HIVEP2: variants seen among roughly 807,000 people sequenced by gnomAD.
HIVEP2 encodes the protein transcription factor HIVEP2.
In HIVEP2, 14 loss-of-function variants were observed where a neutral mutation model predicts 180.7. The ratio of observed to expected loss-of-function variants is 0.08; its 90% CI spans 0.05 to 0.12. The LOEUF (loss-of-function observed/expected upper bound fraction) is 0.12, where lower values mean the gene tolerates loss of function less well. HIVEP2 is among the 10% of genes least tolerant of loss of function. HIVEP2 has a pLI of 1.00. For synonymous variants in HIVEP2, 1,184 were observed against 1,136.4 expected (o/e 1.04, Z -0.84); for missense variants, 2,579 against 3,008.5 (o/e 0.86, Z 3.34).
intron 1 of HIVEP2, among the ~76,000 whole-genome samples, chr6:142,925,212 A>G (rs887352501): frequency 6.6e-6 from 1 of 152,224 alleles, no homozygotes; most frequent in African/African-American, 2.4e-5. Flanking sequence ...TATTTTTAGA[A>G]AGTAATCTTG....
chr6:142,917,800 G>C (rs1178647596), intron 1 of HIVEP2, among the ~76,000 whole-genome samples: 4 of 151,612 alleles, frequency 2.6e-5, no homozygotes, highest in Non-Finnish European at 4.4e-5. Context: ...TTTTGAGATA[G>C]AGTCTTGCTC....
chr6:142,932,211 T>C (rs955584658), intron 1 of HIVEP2, among the ~76,000 whole-genome samples: 1 of 152,218 alleles, frequency 6.6e-6, no homozygotes, highest in Admixed American at 6.5e-5. Context: ...TATGTTCTAC[T>C]TACATTTATA....
At chr6:142,777,244 G>T (rs986582347) in intron 3 of HIVEP2, among the ~76,000 whole-genome samples, 1 of 152,090 alleles carries the variant, frequency 6.6e-6, no homozygotes, top group African/African-American at 2.4e-5. Context: ...ATAAATTATG[G>T]CTCAATGATA....
intron 1 of HIVEP2, among the ~76,000 whole-genome samples, chr6:142,895,782 G>C (rs531615106): frequency 1.3e-5 from 2 of 152,282 alleles, no homozygotes; most frequent in Non-Finnish European, 2.9e-5. Context: ...AGAGAATAGA[G>C]AGTGGATCAA....
At chr6:142,886,015 T>A (rs1388613523) in intron 1 of HIVEP2, among the ~76,000 whole-genome samples, 1 of 152,210 alleles carries the variant, frequency 6.6e-6, no homozygotes, top group Non-Finnish European at 1.5e-5. Flanking sequence ...TGCATCTATA[T>A]CTTTATAAAA....
At chr6:142,789,708 CTTAT>C in intron 2 of HIVEP2, among the ~76,000 whole-genome samples, 1 of 152,154 alleles carries the variant, frequency 6.6e-6, no homozygotes, top group Non-Finnish European at 1.5e-5. Context: ...ACTACTTCCT[CTTAT>C]TCAAAGTTTA....
chr6:142,810,779 A>C (rs13207963), intron 2 of HIVEP2, among the ~76,000 whole-genome samples: 1 of 134,000 alleles, frequency 7.5e-6, no homozygotes, highest in Non-Finnish European at 1.7e-5. Flanking sequence ...AAAAAAAAAA[A>C]CAAAAAAAGA....
intron 2 of HIVEP2, among the ~76,000 whole-genome samples, chr6:142,823,616 T>G (rs974636857): frequency 1.3e-5 from 2 of 152,260 alleles, no homozygotes; most frequent in Non-Finnish European, 2.9e-5. Context: ...TCCTGGTTTC[T>G]CTTCGTGCTC....
intron 1 of HIVEP2, among the ~76,000 whole-genome samples, chr6:142,930,303 C>G (rs1389745388): frequency 6.6e-6 from 1 of 152,164 alleles, no homozygotes; most frequent in Non-Finnish European, 1.5e-5. Context: ...AATGAATGAA[C>G]CATTCATGAA....
intron 1 of HIVEP2, among the ~76,000 whole-genome samples, chr6:142,846,373 C>T (rs1002879749): frequency 2.6e-5 from 4 of 152,212 alleles, no homozygotes; most frequent in African/African-American, 9.6e-5. Context: ...TGGTCCTTCC[C>T]GGCCAGCGGC....
rs933938474 is a variant in HIVEP2 at position 142,770,557 on chromosome 6, C to T, written c.4182G>A (p.Val1394=). The change falls in exon 5 of 10, where the codon GTG becomes GTA. Residue 1394 remains valine (V), a synonymous_variant. Coordinates refer to ENST00000367603, the MANE Select transcript of HIVEP2 (RefSeq NM_006734.4). This position sits in a 1 kb window ranked among gnomAD's most constrained non-coding sequence, Gnocchi z 4.7. ...MQGIGFNIAQ[V]LGQHAGLEKY... ...TCTCCAAGCCCGCATGCTGCCCCAG[C>T]ACCTGGGCAATGTTGAATCCTATCC... 3.7e-5 allele frequency: 59 copies of T among 1,614,078 alleles called. No homozygotes were observed. The highest frequency in any genetic ancestry group is 1.6e-4 in the Middle Eastern group (1 of 6,084).
Position 142,928,667 on chromosome 6 carries a change from TAG to T in HIVEP2, c.-641+16430_-641+16431del, listed in dbSNP as rs769328892. 4.9e-4 allele frequency among the ~76,000 whole-genome samples: 75 copies of T among 152,362 alleles called. 1 individual carries two copies. Among genetic ancestry groups the T allele is most frequent in the South Asian group, 6.2e-4 (3 of 4,832 alleles). Reference sequence around the variant, plus strand: ...GATATCTTAAATTTGCATAGTATATTAGAGTTTGCTATTTGCTTCACATATAT... The same window carrying T: ...GATATCTTAAATTTGCATAGTATATTAGTTTGCTATTTGCTTCACATATAT... On this transcript the variant is annotated intron_variant, in intron 1 of 9. Coordinates refer to ENST00000367603, the MANE Select transcript of HIVEP2 (RefSeq NM_006734.4).
rs945795211 is a variant in HIVEP2, at chr6:142,782,392, G to A, written c.-433+1129C>T. 1.1e-4 allele frequency among the ~76,000 whole-genome samples: 17 copies of A among 152,160 alleles called. No individual in the cohort carries two copies. The South Asian group carries it at 2.3e-3, about 20-fold the overall frequency. ...CTTAGACACTCATTGCCCAACCACC[G>A]CTCAGAGCATATATGCTCAGAGAGT... On this transcript the variant is annotated intron_variant, in intron 3 of 9. Coordinates refer to ENST00000367603, the MANE Select transcript of HIVEP2 (RefSeq NM_006734.4).
chr6:142,859,703 G>A (rs1336919067), intron 1 of HIVEP2, among the ~76,000 whole-genome samples: 1 of 151,170 alleles, frequency 6.6e-6, no homozygotes, highest in Non-Finnish European at 1.5e-5. Context: ...GCATGGTGGT[G>A]CACACCTGTA....
intron 1 of HIVEP2, among the ~76,000 whole-genome samples, chr6:142,892,816 G>A (rs1198553481): frequency 1.3e-5 from 2 of 152,168 alleles, no homozygotes; most frequent in Non-Finnish European, 2.9e-5. Context: ...GGAATGGGGA[G>A]TCAAGATTAC....
chr6:142,936,281 G>C (rs530494515), intron 1 of HIVEP2, among the ~76,000 whole-genome samples: 1 of 151,112 alleles, frequency 6.6e-6, no homozygotes. Flanking sequence ...CAACCTCTAC[G>C]TCCCGGGTTC....
chr6:142,915,847 A>G (rs1310032608), intron 1 of HIVEP2, among the ~76,000 whole-genome samples: 2 of 152,158 alleles, frequency 1.3e-5, no homozygotes, highest in African/African-American at 4.8e-5. Flanking sequence ...GACTCCTATG[A>G]TCAACTGACT....
intron 2 of HIVEP2, among the ~76,000 whole-genome samples, chr6:142,811,846 C>A (rs1029760672): frequency 1.3e-5 from 2 of 152,196 alleles, no homozygotes; most frequent in Non-Finnish European, 2.9e-5. Flanking sequence ...TCTGATTCAA[C>A]CTCAGATGAA....
intron 1 of HIVEP2, among the ~76,000 whole-genome samples, chr6:142,928,565 T>TA (rs1219000014): frequency 1.3e-5 from 2 of 152,238 alleles, no homozygotes; most frequent in Non-Finnish European, 2.9e-5. Context: ...TTTCCCCACT[T>TA]ACAGTGATGC....
Sources: gnomAD v4.1 joint callset for allele counts (sites outside exome capture counted in the v4.1 genomes callset) on GRCh38, gnomAD v4.1.1 for gene constraint, Gnocchi (gnomAD v3.1) non-coding constraint, MANE v1.5 for transcripts, NCBI Gene and HGNC (gene_info 2026-07-23, HGNC 2026-07-21) for gene names.